CTNND2: variants seen among roughly 807,000 people sequenced by gnomAD.
CTNND2 encodes the protein catenin delta 2.
A neutral mutation model predicts 144.4 loss-of-function variants in CTNND2; 22 were observed. The ratio of observed to expected loss-of-function variants is 0.15; its 90% CI spans 0.11 to 0.22. The LOEUF (loss-of-function observed/expected upper bound fraction) is 0.22. Ranked by LOEUF, CTNND2 falls within the 10% of genes least tolerant of loss-of-function variation. The pLI is 1.00. For missense variants in CTNND2, 1,353 were observed against 1,618.8 expected, an observed-to-expected ratio of 0.84 and a Z score of 2.82; for synonymous variants, 751 against 695.6, an observed-to-expected ratio of 1.08 and a Z score of -1.25.
chr5:11,517,285 G>A (rs1279232414), intron 3 of CTNND2, among the ~76,000 whole-genome samples: 1 of 152,124 alleles, frequency 6.6e-6, no homozygotes, highest in Non-Finnish European at 1.5e-5. Flanking sequence ...ATTAATTGAT[G>A]TAAAAGAAAA....
chr5:11,382,601 G>GTA (rs1561309351), intron 7 of CTNND2, among the ~76,000 whole-genome samples: 43 of 59,384 alleles, frequency 7.2e-4, no homozygotes, highest in Non-Finnish European at 1.7e-3. Context: ...GACTCTGTGT[G>GTA]TGTGTGTGTG....
chr5:11,370,173 G>GTT (rs77463818), intron 7 of CTNND2, among the ~76,000 whole-genome samples: 7,028 of 137,366 alleles, frequency 0.051, 401 homozygotes, highest in East Asian at 0.18. Flanking sequence ...AACTACTTGG[G>GTT]TTTTTTTTTT....
intron 10 of CTNND2, among the ~76,000 whole-genome samples, chr5:11,205,179 CTA>C (rs59497796): frequency 0.014 from 2,134 of 151,994 alleles, 29 homozygotes; most frequent in Non-Finnish European, 0.018. Flanking sequence ...TCGCTACATA[CTA>C]TATATATATG....
chr5:11,239,404 G>A (rs1375848512), intron 9 of CTNND2, among the ~76,000 whole-genome samples: 3 of 152,122 alleles, frequency 2.0e-5, no homozygotes, highest in African/African-American at 7.2e-5. Context: ...GCTCTGCCCT[G>A]TCCCCAAGCC....
chr5:11,318,560 G>T (rs1218632051), intron 9 of CTNND2, among the ~76,000 whole-genome samples: 1 of 152,032 alleles, frequency 6.6e-6, no homozygotes, highest in Admixed American at 6.5e-5. Context: ...TCTTTTCTCA[G>T]TGAGAAAACA....
chr5:11,249,216 A>T (rs1743317554), intron 9 of CTNND2, among the ~76,000 whole-genome samples: 1 of 152,230 alleles, frequency 6.6e-6, no homozygotes, highest in African/African-American at 2.4e-5. Flanking sequence ...GCATTCAGGA[A>T]GAGTGTACTT....
At chr5:11,494,546 C>T (rs1769755496) in intron 3 of CTNND2, among the ~76,000 whole-genome samples, 1 of 152,068 alleles carries the variant, frequency 6.6e-6, no homozygotes, top group Non-Finnish European at 1.5e-5. Context: ...TTGAACTCCC[C>T]TGAAGCATTC....
At chr5:11,608,463 G>A (rs1561615672) in intron 2 of CTNND2, among the ~76,000 whole-genome samples, 1 of 152,076 alleles carries the variant, frequency 6.6e-6, no homozygotes, top group Non-Finnish European at 1.5e-5. Context: ...CTCTCTCCCA[G>A]GTGGCCTTAT....
At chr5:11,537,431 C>T (rs1774314304) in intron 3 of CTNND2, among the ~76,000 whole-genome samples, 1 of 151,972 alleles carries the variant, frequency 6.6e-6, no homozygotes, top group African/African-American at 2.4e-5. Flanking sequence ...TGTTAAACAT[C>T]TTATTTGAAA....
intron 9 of CTNND2, among the ~76,000 whole-genome samples, chr5:11,270,856 T>A (rs1430733396): frequency 6.6e-6 from 1 of 152,214 alleles, no homozygotes; most frequent in Non-Finnish European, 1.5e-5. Context: ...AGTTAGTTCA[T>A]GTGAATGCCA....
intron 14 of CTNND2, among the ~76,000 whole-genome samples, chr5:11,105,902 C>G (rs6881062): frequency 0.025 from 3,728 of 152,066 alleles, 160 homozygotes; most frequent in African/African-American, 0.086. Flanking sequence ...CCAAGAGGAA[C>G]GGGCGGCAGC....
chr5:11,226,653 C>A (rs1414044848), intron 10 of CTNND2, among the ~76,000 whole-genome samples: 1 of 152,200 alleles, frequency 6.6e-6, no homozygotes, highest in African/African-American at 2.4e-5. Context: ...TATTTACTAT[C>A]ACAAGAACAG....
chr5:11,698,160 C>A (rs1169773075), intron 2 of CTNND2, among the ~76,000 whole-genome samples: 1 of 152,178 alleles, frequency 6.6e-6, no homozygotes, highest in Non-Finnish European at 1.5e-5. Context: ...GGGAAAGAAA[C>A]TGATGTAGCC....
At position 10,981,851 on chromosome 5, in the gene CTNND2, A is replaced by G; in HGVS notation, c.3344-5T>C. On this transcript the variant is annotated splice_polypyrimidine_tract_variant and splice_region_variant and intron_variant, in intron 20 of 21. Transcript: ENST00000304623. ...TTGAAATTCCAGTGTTTTGAGCTAAAAGCAAAAGGAAAACAAAAGTTTAGC... is the reference window on the plus strand; with the variant it reads ...TTGAAATTCCAGTGTTTTGAGCTAAGAGCAAAAGGAAAACAAAAGTTTAGC... 6.2e-7 allele frequency: 1 copy of G among 1,612,184 alleles called. No individual in the cohort carries two copies. Among genetic ancestry groups the G allele is most frequent in the South Asian group, 1.1e-5 (1 of 90,612 alleles).
chr5:11,455,419 A>C (rs1240223055), intron 3 of CTNND2, among the ~76,000 whole-genome samples: 4 of 152,172 alleles, frequency 2.6e-5, no homozygotes, highest in Non-Finnish European at 4.4e-5. Flanking sequence ...TGATCTTTCC[A>C]TTGTGGGTGG....
At chr5:11,064,993 G>A (rs1480287899) in intron 16 of CTNND2, among the ~76,000 whole-genome samples, 1 of 152,180 alleles carries the variant, frequency 6.6e-6, no homozygotes, top group Non-Finnish European at 1.5e-5. Flanking sequence ...GGGTGGTTGT[G>A]GTTGTTCTTG....
intron 10 of CTNND2, among the ~76,000 whole-genome samples, chr5:11,232,161 A>C (rs905645406): frequency 6.6e-6 from 1 of 152,218 alleles, no homozygotes; most frequent in Non-Finnish European, 1.5e-5. Flanking sequence ...TGGAGCCCTC[A>C]TAGAGAACCT....
intron 17 of CTNND2, among the ~76,000 whole-genome samples, chr5:11,020,976 C>T (rs1409256760): frequency 6.6e-6 from 1 of 152,148 alleles, no homozygotes; most frequent in Admixed American, 6.5e-5. Flanking sequence ...TGAAAAAAAT[C>T]TTCCCATTAA....
chr5:11,874,161 AT>A (rs1735373481), intron 1 of CTNND2, among the ~76,000 whole-genome samples: 1 of 152,234 alleles, frequency 6.6e-6, no homozygotes, highest in Admixed American at 6.5e-5. Flanking sequence ...GCAACTTTTA[AT>A]GATAAAATTC....
Sources: allele counts gnomAD v4.1 joint callset (sites outside exome capture counted in the v4.1 genomes callset), GRCh38; gene constraint gnomAD v4.1.1; transcripts MANE v1.5; gene names NCBI Gene and HGNC (gene_info 2026-07-23, HGNC 2026-07-21).